LAMB1: variants seen among roughly 807,000 people sequenced by gnomAD.
LAMB1 encodes laminin subunit beta 1, also known as laminin subunit beta-1.
LAMB1 carries 121 observed loss-of-function variants against 222.3 expected under a neutral mutation model. That is an observed-to-expected ratio of 0.54 (90% CI 0.47 to 0.63). LAMB1 has a LOEUF of 0.63. LAMB1 is among the 30% of genes least tolerant of loss of function. The pLI, the probability that LAMB1 is intolerant of heterozygous loss-of-function variation, is 0.00. For synonymous variants in LAMB1, 794 were observed against 807.2 expected (o/e 0.98, Z 0.28); for missense variants, 2,172 against 2,240.8 (o/e 0.97, Z 0.62).
At chr7:107,992,638 G>A (rs1470591100) in intron 5 of LAMB1, among the ~76,000 whole-genome samples, 2 of 152,248 alleles carry the variant, frequency 1.3e-5, no homozygotes, top group African/African-American at 4.8e-5. Context: ...AGGCACGCCT[G>A]TAATCCCAGC....
intron 3 of LAMB1, among the ~76,000 whole-genome samples, chr7:107,998,887 A>G (rs2034329305): frequency 6.6e-6 from 1 of 152,256 alleles, no homozygotes; most frequent in Admixed American, 6.5e-5. Context: ...AAATGAAAGA[A>G]AAAAATACAG....
intron 21 of LAMB1, among the ~76,000 whole-genome samples, chr7:107,954,370 A>G (rs1021527843): frequency 1.4e-5 from 2 of 139,840 alleles, no homozygotes; most frequent in Admixed American, 7.7e-5. Context: ...GTGTCTCGCC[A>G]TCTTGCCCAC....
In LAMB1 at chr7:107,975,689, G is replaced by A. The variant is rs768323491; in HGVS notation, c.1189C>T (p.Arg397Ter). 1.9e-6 allele frequency: 3 copies of A among 1,609,272 alleles called. No individual in the cohort carries two copies. The highest frequency in any genetic ancestry group is 2.2e-5 in the East Asian group (1 of 44,770). The change falls in exon 10 of 34, where the codon CGA becomes TGA. Residue 397 changes from arginine (R) to a stop codon, truncating the protein, a stop_gained and splice_region_variant. Transcript: ENST00000222399. LOFTEE classifies it high-confidence loss of function. The stretch of plus-strand genomic sequence containing the variant: ...CAGTGAGTGACATTTCTCAACATAC[G>A]TTCACAGAAATTAGGATCTCGGATG... The part of the protein sequence containing the change: ...RDIRDPNFCE[R>*]CTCDPAGSQN...
At chr7:107,959,985 G>T (rs1322181581) in intron 18 of LAMB1, 151 bp from the exon 19 acceptor site, 2 of 1,082,720 alleles carry the variant, frequency 1.8e-6, no homozygotes, top group Non-Finnish European at 2.6e-6. Context: ...AGAAAGGGGA[G>T]GCAGAGTTGG....
At chr7:107,979,339 C>A (rs2033928657) in intron 8 of LAMB1, among the ~76,000 whole-genome samples, 1 of 152,204 alleles carries the variant, frequency 6.6e-6, no homozygotes, top group African/African-American at 2.4e-5. Flanking sequence ...TACACTCAAT[C>A]CTGTACCTTC....
At chr7:107,926,382 G>A (rs1040354838) in intron 31 of LAMB1, 23 bp from the exon 32 acceptor site, 4 of 1,604,102 alleles carry the variant, frequency 2.5e-6, no homozygotes, top group Admixed American at 3.4e-5. Context: ...CAATTTTCCA[G>A]CAAGACATTA....
intron 24 of LAMB1, among the ~76,000 whole-genome samples, chr7:107,943,564 C>G (rs1056851787): frequency 6.6e-6 from 1 of 152,124 alleles, no homozygotes; most frequent in Non-Finnish European, 1.5e-5. Flanking sequence ...GTCCTCACCT[C>G]TCAAACTTGG....
intron 8 of LAMB1, 37 bp from the exon 9 acceptor site, chr7:107,978,204 A>C (rs117204837): frequency 4.4e-6 from 7 of 1,604,774 alleles, no homozygotes; most frequent in African/African-American, 1.3e-5. Context: ...ACAAAGGAAG[A>C]GATGTATGAA....
intron 27 of LAMB1, among the ~76,000 whole-genome samples, chr7:107,935,008 G>A (rs1027096387): frequency 1.3e-5 from 2 of 151,786 alleles, no homozygotes. Context: ...CTGGAGACCC[G>A]GAGTTCAAGA....
In LAMB1 at chr7:107,929,395, G is replaced by A. The variant is rs1392453844; in HGVS notation, c.4745+17C>T. Reference sequence around the variant, plus strand: ...GATACACAAAATAAGCCCCTTAGATGCCATGTCTTTAGATACCTTGCTCTT... The same window carrying A: ...GATACACAAAATAAGCCCCTTAGATACCATGTCTTTAGATACCTTGCTCTT... On this transcript the variant is annotated intron_variant, in intron 30 of 33. Coordinates refer to ENST00000222399, the MANE Select transcript of LAMB1 (RefSeq NM_002291.3). 1.9e-6 allele frequency: 3 copies of A among 1,604,914 alleles called. No individual in the cohort carries two copies. The highest frequency in any genetic ancestry group is 2.2e-5 in the East Asian group (1 of 44,812).
chr7:107,951,713 A>G (rs1369988854), intron 23 of LAMB1, among the ~76,000 whole-genome samples: 1 of 152,182 alleles, frequency 6.6e-6, no homozygotes, highest in East Asian at 1.9e-4. Flanking sequence ...TCGAGAAGCT[A>G]AGAAAAGAGT....
intron 13 of LAMB1, among the ~76,000 whole-genome samples, chr7:107,971,041 A>G (rs1239256120): frequency 6.6e-6 from 1 of 152,154 alleles, no homozygotes; most frequent in Non-Finnish European, 1.5e-5. Context: ...CACTTCTTTA[A>G]TTATTCCAAA....
At chr7:107,967,378 T>C (rs531880247) in intron 13 of LAMB1, among the ~76,000 whole-genome samples, 1 of 152,206 alleles carries the variant, frequency 6.6e-6, no homozygotes, top group African/African-American at 2.4e-5. Context: ...CCTCTCAAAT[T>C]CTTCTTCCTC....
intron 13 of LAMB1, among the ~76,000 whole-genome samples, chr7:107,966,151 G>A (rs2033631269): frequency 6.6e-6 from 1 of 152,056 alleles, no homozygotes; most frequent in African/African-American, 2.4e-5. Flanking sequence ...CAGCATAGCT[G>A]AAGTCCTCTT....
chr7:107,975,668 G>A (rs758176330), intron 10 of LAMB1, 21 bp downstream of exon 10: 31 of 1,598,370 alleles, frequency 1.9e-5, no homozygotes, highest in Non-Finnish European at 2.7e-5. Flanking sequence ...CCCACACAGT[G>A]AGTGACATTT....
In LAMB1 at chr7:107,952,083, GC is replaced by G. The variant is rs762913486; in HGVS notation, c.3219del (p.Trp1073CysfsTer116). ...QNCDRCAPNT[W>X]QLASGTGCDP... Reference sequence around the variant, plus strand: ...TCACAGCCAGTGCCACTGGCCAGCTGCCAGGTATTGGGCGCACAGCGGTCAC... The same window carrying G: ...TCACAGCCAGTGCCACTGGCCAGCTGCAGGTATTGGGCGCACAGCGGTCAC... On this transcript the variant is annotated frameshift_variant, in exon 23 of 34. Coordinates refer to ENST00000222399, the MANE Select transcript of LAMB1 (RefSeq NM_002291.3). LOFTEE classifies it high-confidence loss of function. The G allele has an allele frequency of 6.2e-7, 1 of 1,614,118 alleles. No individual in the cohort carries two copies. The highest frequency in any genetic ancestry group is 8.5e-7 in the Non-Finnish European group (1 of 1,180,010).
Position 107,960,460 on chromosome 7 carries a change from G to C in LAMB1, c.2299C>G (p.His767Asp). The stretch of plus-strand genomic sequence containing the variant: ...CAATACCTACCCAGGCCTGTCTGGT[G>C]TAACAGGGCAGAAATGCTAAAGATG... Reference protein sequence around the residue: ...NIIFSISALLHQTGLACECDP... With the variant: ...NIIFSISALLDQTGLACECDP... Residue 767 changes from histidine (H) to aspartate (D), a missense_variant, in exon 18 of 34, where the codon CAC becomes GAC. By Grantham distance (81) the His-to-Asp change is moderately conservative (BLOSUM62 -1). Coordinates refer to ENST00000222399, the MANE Select transcript of LAMB1 (RefSeq NM_002291.3). 6.2e-7 allele frequency: 1 copy of C among 1,613,714 alleles called. No homozygotes were observed. Among genetic ancestry groups the C allele is most frequent in the Non-Finnish European group, 8.5e-7 (1 of 1,179,642 alleles).
At chr7:107,997,750 G>A (rs996650911) in intron 4 of LAMB1, among the ~76,000 whole-genome samples, 1 of 152,122 alleles carries the variant, frequency 6.6e-6, no homozygotes, top group Non-Finnish European at 1.5e-5. Context: ...CACAGCAATA[G>A]TAAAATCATA....
chr7:107,997,785 C>T (rs2034307995), intron 4 of LAMB1, among the ~76,000 whole-genome samples: 1 of 152,156 alleles, frequency 6.6e-6, no homozygotes, highest in Non-Finnish European at 1.5e-5. Flanking sequence ...TACACCAAAT[C>T]CCAAATAGCA....
Sources: allele counts gnomAD v4.1 joint callset (sites outside exome capture counted in the v4.1 genomes callset), GRCh38; gene constraint gnomAD v4.1.1; transcripts MANE v1.5; gene names NCBI Gene and HGNC (gene_info 2026-07-23, HGNC 2026-07-21).